The following PTPRA variants were observed in gnomAD, a reference collection of about 807,000 sequenced individuals.
PTPRA encodes receptor-type tyrosine-protein phosphatase alpha.
In PTPRA, 25 loss-of-function variants were observed where a neutral mutation model predicts 104.8. The observed-to-expected ratio is 0.24, with a 90% CI of 0.17 to 0.33. The LOEUF (loss-of-function observed/expected upper bound fraction) is 0.33, where lower values mean the gene tolerates loss of function less well. Ranked by LOEUF, PTPRA falls within the 10% of genes least tolerant of loss-of-function variation. The pLI is 1.00. For missense variants in PTPRA, 765 were observed against 1,015.3 expected (o/e 0.75, Z 3.35); for synonymous variants, 323 against 368.9 (o/e 0.88, Z 1.43).
chr20:2,973,658 A>G (rs1239879853), intron 5 of PTPRA, among the ~76,000 whole-genome samples: 1 of 152,118 alleles, frequency 6.6e-6, no homozygotes, highest in Non-Finnish European at 1.5e-5. Flanking sequence ...AGGACAAACA[A>G]AGGGAATAGG....
intron 1 of PTPRA, among the ~76,000 whole-genome samples, chr20:2,914,847 A>G (rs1328324818): frequency 6.6e-6 from 1 of 152,194 alleles, no homozygotes; most frequent in Non-Finnish European, 1.5e-5. Flanking sequence ...ATGGTCATTC[A>G]TGAACACGTA....
At chr20:2,993,834 A>C (rs1451777501) in intron 9 of PTPRA, among the ~76,000 whole-genome samples, 3 of 152,220 alleles carry the variant, frequency 2.0e-5, no homozygotes, top group South Asian at 2.1e-4. Flanking sequence ...TTGAAAATCA[A>C]GGTGGCACAG....
At chr20:3,019,262 C>G (rs1391750099) in intron 13 of PTPRA, among the ~76,000 whole-genome samples, 2 of 149,882 alleles carry the variant, frequency 1.3e-5, no homozygotes, top group African/African-American at 2.5e-5. Context: ...CTGACCCCCC[C>G]ACCTCCCTCC....
chr20:2,985,835 G>C lies in PTPRA; in HGVS notation c.443-930G>C, dbSNP rs367558202. 1.7e-4 allele frequency among the ~76,000 whole-genome samples: 26 copies of C among 152,230 alleles called. No individual in the cohort carries two copies. In the East Asian group the frequency reaches 5.0e-3, roughly 29 times the overall value. ...GGCCTCAAGCAATCCTTCTACCTCAGCCTCCCAAAGTGCTGGGATAGGCAT... is the reference window on the plus strand; with the variant it reads ...GGCCTCAAGCAATCCTTCTACCTCACCCTCCCAAAGTGCTGGGATAGGCAT... On this transcript the variant is annotated intron_variant, in intron 6 of 23. Transcript: ENST00000399903.
At chr20:2,887,552 A>G (rs780629201) in intron 1 of PTPRA, among the ~76,000 whole-genome samples, 2 of 152,190 alleles carry the variant, frequency 1.3e-5, no homozygotes, top group African/African-American at 4.8e-5. Context: ...TTTGGAAGAG[A>G]TGATTGCTAG....
At chr20:2,887,374 G>A (rs1406402300) in intron 1 of PTPRA, among the ~76,000 whole-genome samples, 1 of 152,164 alleles carries the variant, frequency 6.6e-6, no homozygotes, top group Non-Finnish European at 1.5e-5. Context: ...TGTGGAGAAC[G>A]GACTGGGCAG....
chr20:2,940,918 A>G (rs948607626), intron 2 of PTPRA, among the ~76,000 whole-genome samples: 2 of 152,136 alleles, frequency 1.3e-5, no homozygotes, highest in Non-Finnish European at 2.9e-5. Context: ...TGATATTTCA[A>G]GATACATAAT....
Position 3,026,751 on chromosome 20 carries a change from A to G in PTPRA, c.1679A>G (p.Lys560Arg). 1 of 1,612,886 alleles carries G rather than the reference A, an allele frequency of 6.2e-7. No homozygotes were observed. The highest frequency in any genetic ancestry group is 8.5e-7 in the Non-Finnish European group (1 of 1,178,854). ...ACTGGAAACCTTCCAGCCAACATGA[A>G]GAAGAACCGTGTTTTACAGATCATT... The part of the protein sequence containing the change: ...MRTGNLPANM[K>R]KNRVLQIIPY... Residue 560 changes from lysine (K) to arginine (R), a missense_variant, in exon 18 of 24, where the codon AAG becomes AGG. By Grantham distance (26) the Lys-to-Arg change is conservative (BLOSUM62 2). Coordinates refer to ENST00000399903, the MANE Select transcript of PTPRA (RefSeq NM_001385305.1).
In PTPRA at chr20:2,939,074, G is replaced by A. The variant is rs546002225; in HGVS notation, c.-49-8908G>A. Among the ~76,000 whole-genome samples the A allele has an allele frequency of 2.6e-5, 4 of 152,314 alleles. No homozygotes were observed. The East Asian group carries it at 7.7e-4, about 29-fold the overall frequency. ...ATACCCTGTCCCACTTTTGTCGACTGTGGTTCAGTTTTCAGTCTTGTTTTA... is the reference window on the plus strand; with the variant it reads ...ATACCCTGTCCCACTTTTGTCGACTATGGTTCAGTTTTCAGTCTTGTTTTA... On this transcript the variant is annotated intron_variant, in intron 2 of 23. Transcript: ENST00000399903.
chr20:3,007,915 G>A (rs2063953523), intron 11 of PTPRA, among the ~76,000 whole-genome samples: 3 of 152,090 alleles, frequency 2.0e-5, no homozygotes, highest in African/African-American at 4.8e-5. Context: ...ACTAAGAGGA[G>A]GTTTTTAAAG....
chr20:2,904,348 T>C (rs988853467), intron 1 of PTPRA, among the ~76,000 whole-genome samples: 47 of 152,068 alleles, frequency 3.1e-4, no homozygotes, highest in Non-Finnish European at 5.1e-4. Flanking sequence ...AAGAAAACTA[T>C]GAAGCTTTAC....
chr20:3,010,846 CCT>C (rs2064138520), intron 11 of PTPRA, among the ~76,000 whole-genome samples: 2 of 152,150 alleles, frequency 1.3e-5, no homozygotes, highest in Admixed American at 1.3e-4. Context: ...ATGATTTACC[CCT>C]CTGAGCCTGG....
chr20:2,871,622 TC>T, upstream of PTPRA, among the ~76,000 whole-genome samples: 1 of 152,220 alleles, frequency 6.6e-6, no homozygotes, highest in East Asian at 1.9e-4. Flanking sequence ...AGGGCTGCTA[TC>T]CCAGCTACTG....
the PTPRA span, chr20:2,866,196 C>G: frequency 6.2e-7 from 1 of 1,613,404 alleles, no homozygotes; most frequent in Non-Finnish European, 8.5e-7. Context: ...CCTCCACCCG[C>G]TTCCTCTCCT....
At chr20:2,971,022 C>G (rs1050860477) in intron 5 of PTPRA, among the ~76,000 whole-genome samples, 2 of 152,136 alleles carry the variant, frequency 1.3e-5, no homozygotes, top group Admixed American at 6.5e-5. Flanking sequence ...TGGGAACATT[C>G]ATTTTATTTT....
rs2060917220 is a variant in PTPRA, at chr20:2,941,436, T to C, written c.-49-6546T>C. On this transcript the variant is annotated intron_variant, in intron 2 of 23. Transcript: ENST00000399903. ...CCTGTCACCCCAAGAGCAAATCTAT[T>C]ATCACACCCTGTGCAGTTTACTTCC... Among the ~76,000 whole-genome samples the C allele has an allele frequency of 2.0e-5, 3 of 152,222 alleles. No individual in the cohort carries two copies. In the South Asian group the frequency reaches 6.2e-4, roughly 31 times the overall value.
intron 9 of PTPRA, among the ~76,000 whole-genome samples, chr20:2,990,289 G>A (rs2063113366): frequency 6.6e-6 from 1 of 152,134 alleles, no homozygotes; most frequent in Admixed American, 6.5e-5. Flanking sequence ...TTATAGGCTG[G>A]CTCCTTTTTT....
At chr20:3,028,183 CGG>C (rs200013759) in intron 20 of PTPRA, among the ~76,000 whole-genome samples, 1 of 149,812 alleles carries the variant, frequency 6.7e-6, no homozygotes, top group African/African-American at 2.5e-5. Context: ...GTGCCCCAGG[CGG>C]GGGGGGCACC....
At chr20:2,999,762 A>G (rs563961435) in intron 9 of PTPRA, among the ~76,000 whole-genome samples, 2 of 152,384 alleles carry the variant, frequency 1.3e-5, no homozygotes, top group African/African-American at 2.4e-5. Flanking sequence ...TGTAGAGATC[A>G]TAATGTAGTA....
Sources: gnomAD v4.1 joint callset for allele counts (sites outside exome capture counted in the v4.1 genomes callset) on GRCh38, gnomAD v4.1.1 for gene constraint, MANE v1.5 for transcripts, NCBI Gene and HGNC (gene_info 2026-07-23, HGNC 2026-07-21) for gene names.